Variants in KCNH7 observed in about 807,000 individuals in gnomAD.
KCNH7 encodes potassium voltage-gated channel subfamily H member 7, also known as voltage-gated inwardly rectifying potassium channel KCNH7.
A neutral mutation model predicts 120.8 loss-of-function variants in KCNH7; 49 were observed. That is an observed-to-expected ratio of 0.41 (90% CI 0.32 to 0.51). KCNH7 has a LOEUF of 0.51. Among genes scored for constraint, KCNH7 ranks in the 20% least tolerant of loss-of-function variants. The probability of loss-of-function intolerance (pLI) is 0.38; values close to 1 mark genes in which losing one functional copy is unlikely to be tolerated. For synonymous variants in KCNH7, 547 were observed against 516.1 expected, an observed-to-expected ratio of 1.06 and a Z score of -0.81; for missense variants, 1,097 against 1,446.6, an observed-to-expected ratio of 0.76 and a Z score of 3.92.
At chr2:162,442,247 C>A (rs1353192855) in intron 7 of KCNH7, among the ~76,000 whole-genome samples, 1 of 151,332 alleles carries the variant, frequency 6.6e-6, no homozygotes, top group African/African-American at 2.4e-5. Context: ...AGGATGGTCT[C>A]GATCTCCTGA....
intron 8 of KCNH7, among the ~76,000 whole-genome samples, chr2:162,426,091 G>A (rs986707303): frequency 6.6e-6 from 1 of 151,854 alleles, no homozygotes; most frequent in African/African-American, 2.4e-5. Context: ...GTGTGCGCCT[G>A]TAGCACCAGC....
intron 2 of KCNH7, among the ~76,000 whole-genome samples, chr2:162,733,795 G>A (rs1045051668): frequency 1.3e-5 from 2 of 152,092 alleles, no homozygotes; most frequent in Non-Finnish European, 2.9e-5. Flanking sequence ...TTTTAAGAAA[G>A]GGAAGTGAAT....
intron 6 of KCNH7, among the ~76,000 whole-genome samples, chr2:162,481,729 A>T (rs1481487053): frequency 6.6e-6 from 1 of 152,230 alleles, no homozygotes; most frequent in East Asian, 1.9e-4. Context: ...CCTCTCATCA[A>T]GGAAGTATTA....
intron 5 of KCNH7, among the ~76,000 whole-genome samples, chr2:162,509,245 T>G (rs902976609): frequency 1.3e-5 from 2 of 151,496 alleles, no homozygotes; most frequent in Non-Finnish European, 3.0e-5. Context: ...TATGAGATGC[T>G]AAAGGAGAAT....
chr2:162,802,657 A>T (rs1280032577), intron 2 of KCNH7, among the ~76,000 whole-genome samples: 2 of 151,826 alleles, frequency 1.3e-5, no homozygotes, highest in East Asian at 3.8e-4. Context: ...AATATATTTT[A>T]TCTAATCCAA....
At chr2:162,382,505 G>A (rs1321447596) in intron 13 of KCNH7, among the ~76,000 whole-genome samples, 4 of 152,060 alleles carry the variant, frequency 2.6e-5, no homozygotes, top group Non-Finnish European at 5.9e-5. Context: ...TGAACAGAAA[G>A]TAAACTTTCA....
At chr2:162,425,499 C>T (rs920417735) in intron 8 of KCNH7, among the ~76,000 whole-genome samples, 3 of 152,072 alleles carry the variant, frequency 2.0e-5, no homozygotes, top group Admixed American at 6.6e-5. Flanking sequence ...AGAGAATTAA[C>T]AATATTTGCC....
At chr2:162,576,710 C>A (rs1174758254) in intron 2 of KCNH7, among the ~76,000 whole-genome samples, 2 of 151,694 alleles carry the variant, frequency 1.3e-5, no homozygotes, top group African/African-American at 4.8e-5. Context: ...GTAAAACATA[C>A]ACTTTTAGAG....
intron 2 of KCNH7, among the ~76,000 whole-genome samples, chr2:162,538,775 T>C (rs1239659567): frequency 6.6e-6 from 1 of 152,086 alleles, no homozygotes; most frequent in Non-Finnish European, 1.5e-5. Context: ...AACAATTATT[T>C]ATAAAATTGT....
intron 14 of KCNH7, among the ~76,000 whole-genome samples, chr2:162,378,324 C>A (rs891968653): frequency 6.6e-6 from 1 of 152,136 alleles, no homozygotes; most frequent in Non-Finnish European, 1.5e-5. Flanking sequence ...AGACTTAAGA[C>A]CTTTTCCTAT....
intron 2 of KCNH7, among the ~76,000 whole-genome samples, chr2:162,635,409 C>A (rs767465519): frequency 3.3e-5 from 5 of 152,030 alleles, no homozygotes; most frequent in Non-Finnish European, 5.9e-5. Flanking sequence ...CCCTATAGAA[C>A]TGTTGCCTAT....
chr2:162,569,444 C>T (rs36195853), intron 2 of KCNH7, among the ~76,000 whole-genome samples: 10 of 146,438 alleles, frequency 6.8e-5, no homozygotes, highest in African/African-American at 1.8e-4. Flanking sequence ...GTCTTGCTAG[C>T]GGTCTATCAA....
chr2:162,681,159 T>C (rs11886628), intron 2 of KCNH7, among the ~76,000 whole-genome samples: 7,781 of 151,762 alleles, frequency 0.051, 664 homozygotes, highest in African/African-American at 0.17. Context: ...AAAATAAAAA[T>C]AAATAAAGTG....
Position 162,673,765 on chromosome 2 carries a change from T to C in KCNH7, c.308-136685A>G, listed in dbSNP as rs1685441278. ...ACCAAGACATTGGATTTTTGGTTACTGCAGCAAAACAAATTAAAGCAGCAA... is the reference window on the plus strand; with the variant it reads ...ACCAAGACATTGGATTTTTGGTTACCGCAGCAAAACAAATTAAAGCAGCAA... On this transcript the variant is annotated intron_variant, in intron 2 of 15. Coordinates refer to ENST00000332142, the MANE Select transcript of KCNH7 (RefSeq NM_033272.4). Among the ~76,000 whole-genome samples the C allele has an allele frequency of 2.0e-5, 3 of 152,036 alleles. No individual in the cohort carries two copies. In the South Asian group the frequency reaches 6.2e-4, roughly 31 times the overall value.
rs540190216 is a variant in KCNH7, at chr2:162,815,333, TG to T, written c.307+21203del. Among the ~76,000 whole-genome samples, 173 of 152,294 alleles carry T rather than the reference TG, an allele frequency of 1.1e-3. 3 individuals are homozygous for T. Among genetic ancestry groups the T allele is most frequent in the African/African-American group, 4.0e-3 (167 of 41,564 alleles). ...CAGAGTAATATTAAAAAATGAGACA[TG>T]TTTTTTCCCACAAAAACATAAATAT... On this transcript the variant is annotated intron_variant, in intron 2 of 15. Coordinates refer to ENST00000332142, the MANE Select transcript of KCNH7 (RefSeq NM_033272.4).
chr2:162,390,055 T>TGGTTA, intron 12 of KCNH7, among the ~76,000 whole-genome samples: 1 of 152,080 alleles, frequency 6.6e-6, no homozygotes, highest in Middle Eastern at 3.4e-3. Flanking sequence ...TGTTTGTGCC[T>TGGTTA]GGTTACACTG....
chr2:162,422,454 T>A (rs903623490), intron 9 of KCNH7, among the ~76,000 whole-genome samples: 1 of 152,108 alleles, frequency 6.6e-6, no homozygotes, highest in South Asian at 2.1e-4. Context: ...AGTGGAGGAG[T>A]AGCCATATGG....
At chr2:162,742,803 T>C (rs1199556032) in intron 2 of KCNH7, among the ~76,000 whole-genome samples, 2 of 152,222 alleles carry the variant, frequency 1.3e-5, no homozygotes, top group Non-Finnish European at 2.9e-5. Context: ...TTGTGACATA[T>C]GTTAACGGCT....
intron 7 of KCNH7, among the ~76,000 whole-genome samples, chr2:162,443,479 A>G (rs1404979778): frequency 6.6e-6 from 1 of 152,208 alleles, no homozygotes; most frequent in African/African-American, 2.4e-5. Context: ...TTTCAATAAG[A>G]ATAAACAAGC....
Sources: allele counts gnomAD v4.1 joint callset (sites outside exome capture counted in the v4.1 genomes callset), GRCh38; gene constraint gnomAD v4.1.1; transcripts MANE v1.5; gene names NCBI Gene and HGNC (gene_info 2026-07-23, HGNC 2026-07-21).